BRF1: variants seen among roughly 807,000 people sequenced by gnomAD.
BRF1 encodes the protein transcription factor IIIB 90 kDa subunit.
In BRF1, 59 loss-of-function variants were observed where a neutral mutation model predicts 81.7. The observed-to-expected ratio is 0.72, with a 90% CI of 0.59 to 0.90. The LOEUF (loss-of-function observed/expected upper bound fraction) is 0.90. BRF1 is among the 40% of genes least tolerant of loss of function. The probability of loss-of-function intolerance (pLI) is 0.00; values close to 1 mark genes in which losing one functional copy is unlikely to be tolerated. For missense variants in BRF1, 1,050 were observed against 936.3 expected (o/e 1.12, Z -1.58); for synonymous variants, 491 against 395.6 (o/e 1.24, Z -2.86).
chr14:105,225,874 C>T (rs1893003180), intron 10 of BRF1, among the ~76,000 whole-genome samples, 195 bp downstream of exon 10: 1 of 152,180 alleles, frequency 6.6e-6, no homozygotes, highest in Non-Finnish European at 1.5e-5. Flanking sequence ...TCTCCATCTC[C>T]TGACCTCGTG....
At chr14:105,287,840 A>G (rs972619514) in intron 1 of BRF1, among the ~76,000 whole-genome samples, 6 of 152,264 alleles carry the variant, frequency 3.9e-5, no homozygotes, top group Admixed American at 3.3e-4. Flanking sequence ...TTTTGAAGAG[A>G]GCAAGGGGCA....
intron 5 of BRF1, chr14:105,248,922 A>C (rs1246182917): frequency 1.0e-6 from 1 of 984,074 alleles, no homozygotes; most frequent in East Asian, 1.2e-4. Flanking sequence ...GGACCTAGCC[A>C]ACAGCAACGC....
chr14:105,215,329 C>T (rs1446513022), intron 15 of BRF1, among the ~76,000 whole-genome samples: 3 of 152,140 alleles, frequency 2.0e-5, no homozygotes, highest in Non-Finnish European at 4.4e-5. Context: ...TACAGGTACA[C>T]ATGTTGCATG....
chr14:105,225,990 T>C, intron 10 of BRF1, 79 bp downstream of exon 10: 1 of 1,397,322 alleles, frequency 7.2e-7, no homozygotes, highest in Non-Finnish European at 9.9e-7. Context: ...TTCCAGGTCT[T>C]TTTCTGATCC....
rs587731266 is a variant in BRF1, at chr14:105,228,781, C to T, written c.788+39G>A. ...CAGGCCTGAGCTGGACTGATGAAGC[C>T]TCTGTGTGGTCCCCATGCCATGAAT... On this transcript the variant is annotated intron_variant, in intron 7 of 17. Transcript: ENST00000547530. 5.7e-5 allele frequency: 92 copies of T among 1,609,158 alleles called. 2 individuals carry two copies. The South Asian group carries it at 9.6e-4, about 17-fold the overall frequency.
At chr14:105,301,433 AG>A (rs587687991), upstream of BRF1, among the ~76,000 whole-genome samples, 1 of 101,930 alleles carries the variant, frequency 9.8e-6, no homozygotes, top group Non-Finnish European at 2.0e-5. Flanking sequence ...GCTTGAGGCG[AG>A]GGGGCCGAGC....
At chr14:105,215,808 C>A (rs1202764113) in intron 15 of BRF1, among the ~76,000 whole-genome samples, 2 of 143,248 alleles carry the variant, frequency 1.4e-5, no homozygotes, top group Non-Finnish European at 3.0e-5. Context: ...ACACTGCATA[C>A]ACAGGCACAC....
At position 105,250,179 on chromosome 14, in the gene BRF1, G is replaced by A. The variant is rs759981898; in HGVS notation, c.544+2328C>T. On this transcript the variant is annotated intron_variant, in intron 5 of 17. Transcript: ENST00000547530. ...TGGTACACGGCCACCAACAAGCCCC[G>A]CCTGGACTTTCCCCTGACCAAGAGG... 68 of 1,612,966 alleles carry A rather than the reference G, an allele frequency of 4.2e-5. 1 individual carries two copies. Among genetic ancestry groups the A allele is most frequent in the South Asian group, 3.7e-4 (34 of 91,088 alleles).
intron 15 of BRF1, chr14:105,217,293 G>C: frequency 3.3e-6 from 2 of 606,958 alleles, no homozygotes; most frequent in Non-Finnish European, 5.7e-6. Context: ...GGACAAAACA[G>C]AGCCTAGGCT....
At chr14:105,272,305 C>T (rs1327598637) in intron 3 of BRF1, among the ~76,000 whole-genome samples, 2 of 152,210 alleles carry the variant, frequency 1.3e-5, no homozygotes, top group African/African-American at 4.8e-5. Context: ...ACGGTGTCCA[C>T]AGCTGCAGGC....
chr14:105,226,573 T>C, intron 8 of BRF1, 61 bp downstream of exon 8: 1 of 1,605,624 alleles, frequency 6.2e-7, no homozygotes, highest in Non-Finnish European at 8.5e-7. Flanking sequence ...CCAGTCGGGG[T>C]GTGTGGCTTC....
chr14:105,283,731 A>G (rs956971510), intron 2 of BRF1, among the ~76,000 whole-genome samples: 1 of 152,172 alleles, frequency 6.6e-6, no homozygotes, highest in Non-Finnish European at 1.5e-5. Context: ...GGCACGACCA[A>G]CTCTAGTAAA....
intron 5 of BRF1, chr14:105,250,507 G>C: frequency 6.2e-7 from 1 of 1,614,030 alleles, no homozygotes; most frequent in Non-Finnish European, 8.5e-7. Flanking sequence ...CCTTCTACAC[G>C]GCCAGTGCCG....
At chr14:105,308,222 C>T (rs1456098147) in intron 1 of BRF1, among the ~76,000 whole-genome samples, 1 of 151,954 alleles carries the variant, frequency 6.6e-6, no homozygotes, top group Admixed American at 6.6e-5. Flanking sequence ...TGGCTCACAC[C>T]TGTTATCCCA....
chr14:105,246,184 C>T (rs1227776753), intron 5 of BRF1, among the ~76,000 whole-genome samples: 1 of 151,964 alleles, frequency 6.6e-6, no homozygotes, highest in African/African-American at 2.4e-5. Context: ...CTCACCACCG[C>T]ACTCCAGCCT....
upstream of BRF1, among the ~76,000 whole-genome samples, chr14:105,304,538 A>C (rs78272293): frequency 1.3e-5 from 2 of 152,226 alleles, no homozygotes; most frequent in Non-Finnish European, 2.9e-5. Flanking sequence ...GTGAGGCTCT[A>C]CTGGGCAATG....
intron 1 of BRF1, among the ~76,000 whole-genome samples, chr14:105,308,697 G>A (rs954930813): frequency 1.3e-5 from 2 of 151,840 alleles, no homozygotes; most frequent in Admixed American, 1.3e-4. Flanking sequence ...TGGCCAGGCT[G>A]GTCTGGAACT....
At chr14:105,311,647 A>C (rs2058351030) in intron 1 of BRF1, among the ~76,000 whole-genome samples, 1 of 152,086 alleles carries the variant, frequency 6.6e-6, no homozygotes, top group Non-Finnish European at 1.5e-5. Context: ...TCTACTCTAC[A>C]ACCCCGGGGT....
intron 5 of BRF1, chr14:105,248,385 G>A (rs1367414428): frequency 4.1e-6 from 4 of 985,302 alleles, no homozygotes; most frequent in Non-Finnish European, 3.6e-6. Context: ...GCGGCCGCCT[G>A]CCAGCGCCGG....
Sources: gnomAD v4.1 joint callset for allele counts (sites outside exome capture counted in the v4.1 genomes callset) on GRCh38, gnomAD v4.1.1 for gene constraint, MANE v1.5 for transcripts, NCBI Gene and HGNC (gene_info 2026-07-23, HGNC 2026-07-21) for gene names.